Variants in KMT2D observed in about 807,000 individuals in gnomAD.
KMT2D encodes histone-lysine N-methyltransferase 2D.
KMT2D carries 55 observed loss-of-function variants against 512.7 expected under a neutral mutation model. That is an observed-to-expected ratio of 0.11 (90% confidence interval 0.09 to 0.13). The LOEUF (loss-of-function observed/expected upper bound fraction) is 0.13. KMT2D is among the 10% of genes least tolerant of loss of function. The probability of loss-of-function intolerance (pLI) is 1.00; values close to 1 mark genes in which losing one functional copy is unlikely to be tolerated. For synonymous variants in KMT2D, 2,995 were observed against 2,904.0 expected (o/e 1.03, Z -1.01); for missense variants, 6,061 against 7,127.9 (o/e 0.85, Z 5.39).
chr12:49,030,855 T>A lies in KMT2D; in HGVS notation c.13671+38A>T, dbSNP rs771042133. 11 of 1,613,086 alleles carry A rather than the reference T, an allele frequency of 6.8e-6. No homozygotes were observed. In the Admixed American group the frequency reaches 1.8e-4, roughly 27 times the overall value. ...CTGGGGGACAGGGTGCCCCCTATCC[T>A]GGGATGGGACCAGGGGGACTGTCTC... On this transcript the variant is annotated intron_variant, in intron 41 of 54. Transcript: ENST00000301067.
In KMT2D at chr12:49,039,178, C is replaced by T; in HGVS notation, c.8366+44G>A. 6.2e-7 allele frequency: 1 copy of T among 1,607,144 alleles called. No homozygotes were observed. Among genetic ancestry groups the T allele is most frequent in the Non-Finnish European group, 8.5e-7 (1 of 1,176,708 alleles). On this transcript the variant is annotated intron_variant, in intron 34 of 54. Coordinates refer to ENST00000301067, the MANE Select transcript of KMT2D (RefSeq NM_003482.4). The surrounding 1 kb of genome is among the most constrained non-coding windows in gnomAD (Gnocchi z 5.0). ...CAAGAGCTTCCAACAGTGATAAAAT[C>T]CATCCCCCTTGGTTTACCCCCAGGG...
chr12:49,033,995 G>T, intron 39 of KMT2D, 31 bp from the exon 40 acceptor site: 1 of 1,553,722 alleles, frequency 6.4e-7, no homozygotes. Flanking sequence ...AGGTCAGGCT[G>T]GGGCATGCTC....
Position 49,060,633 on chromosome 12 carries a change from C to A in KMT2D, c.-1058G>T, listed in dbSNP as rs894495668. Among the ~76,000 whole-genome samples the A allele has an allele frequency of 6.6e-6, 1 of 152,214 alleles. No homozygotes were observed. Among genetic ancestry groups the A allele is most frequent in the African/African-American group, 2.4e-5 (1 of 41,464 alleles). ...CTCCTGTTCGGCCGGTAGGGTGGTT[C>A]CTGCGAAGGGGCTATTTCCTGGCCC... On this transcript the variant is annotated 5_prime_UTR_variant, in exon 1 of 55. Transcript: ENST00000301067.
rs758525205 is a variant in KMT2D at position 49,027,152 on chromosome 12, G to A, written c.14814C>T (p.Thr4938=). 1.7e-5 allele frequency: 26 copies of A among 1,569,216 alleles called. No homozygotes were observed. The highest frequency in any genetic ancestry group is 2.4e-5 in the South Asian group (2 of 83,324). Residue 4938 remains threonine (T), a synonymous_variant, in exon 49 of 55, where the codon ACC becomes ACT. Coordinates refer to ENST00000301067, the MANE Select transcript of KMT2D (RefSeq NM_003482.4). ...PPTEPLVELP[T]EPLAEPPVPS... ...GGACGGGTGGCTCAGCCAAGGGTTC[G>A]GTGGGAAGTTCAACCAAGGGCTCAG... is the stretch of plus-strand genomic sequence containing the variant.
chr12:49,029,976 G>C (rs11168829), intron 43 of KMT2D, among the ~76,000 whole-genome samples: 1 of 152,160 alleles, frequency 6.6e-6, no homozygotes, highest in Non-Finnish European at 1.5e-5. Flanking sequence ...GCAGGAACCA[G>C]AATTCAAATC....
rs778228140 is a variant in KMT2D at position 49,053,364 on chromosome 12, ATTTCC to A, written c.840-48_840-44del. ...ACATTACAGTGTCCTCTCTGCCCTC[ATTTCC>A]TTTCTTTTTTGTTGTTTTCATGTTA... is the stretch of plus-strand genomic sequence containing the variant. On this transcript the variant is annotated intron_variant, in intron 7 of 54. Coordinates refer to ENST00000301067, the MANE Select transcript of KMT2D (RefSeq NM_003482.4). The A allele has an allele frequency of 4.4e-6, 7 of 1,602,572 alleles. No individual in the cohort carries two copies. The African/African-American group carries it at 5.4e-5, about 12-fold the overall frequency.
At chr12:49,048,138 T>C (rs941546239) in intron 14 of KMT2D, 69 bp from the exon 15 acceptor site, 3 of 1,069,874 alleles carry the variant, frequency 2.8e-6, no homozygotes, top group South Asian at 1.4e-5. Flanking sequence ...CAGTCTACTA[T>C]GACGCTACAA....
intron 13 of KMT2D, 64 bp downstream of exon 13, chr12:49,049,041 G>T: frequency 1.9e-6 from 2 of 1,027,244 alleles, no homozygotes; most frequent in Non-Finnish European, 3.0e-6. Flanking sequence ...GCAAGGGACT[G>T]GCAGGACTCA....
At chr12:49,023,470 A>G (rs1942426910) in intron 51 of KMT2D, among the ~76,000 whole-genome samples, 1 of 152,208 alleles carries the variant, frequency 6.6e-6, no homozygotes. Flanking sequence ...AGTGCAGGGG[A>G]ATGACGGCTG....
chr12:49,032,483 T>C lies in KMT2D; in HGVS notation c.12222A>G (p.Gln4074=), dbSNP rs1399724884. 2.6e-6 allele frequency: 4 copies of C among 1,567,732 alleles called. No homozygotes were observed. Among genetic ancestry groups the C allele is most frequent in the African/African-American group, 2.7e-5 (2 of 73,432 alleles). ...GGGGCTGGGGTTGGACAAGCAGGAG[T>C]TGTGAGTCCCCAGAGAGTGAGGGCT... ...EVKPSLSGDS[Q]LLLVQPQPQP... Residue 4074 remains glutamine, a synonymous_variant, in exon 40 of 55, where the codon CAA becomes CAG. Coordinates refer to ENST00000301067, the MANE Select transcript of KMT2D (RefSeq NM_003482.4).
rs768720431 is a variant in KMT2D at position 49,024,536 on chromosome 12, C to T, written c.16052+42G>A. ...AATGGGACCAGAGGATCCCTGTCAA[C>T]ACCCACACCCACATCCCTTGGCTCC... On this transcript the variant is annotated intron_variant, in intron 51 of 54. Coordinates refer to ENST00000301067, the MANE Select transcript of KMT2D (RefSeq NM_003482.4). The surrounding 1 kb of genome is among the most constrained non-coding windows in gnomAD (Gnocchi z 4.5). 6 of 1,563,176 alleles carry T rather than the reference C, an allele frequency of 3.8e-6. No individual in the cohort carries two copies. The highest frequency in any genetic ancestry group is 5.2e-6 in the Non-Finnish European group (6 of 1,153,536).
In KMT2D at chr12:49,026,046, C is replaced by T. The variant is rs1009882183; in HGVS notation, c.15784+136G>A. The T allele has an allele frequency of 7.8e-5, 62 of 794,014 alleles. No homozygotes were observed. The highest frequency in any genetic ancestry group is 1.1e-4 in the Non-Finnish European group (59 of 517,190). 49.2% of individuals were successfully genotyped at this position (794,014 alleles called of 1,614,324 possible). On this transcript the variant is annotated intron_variant, in intron 49 of 54. Transcript: ENST00000301067. The surrounding 1 kb of genome is among the most constrained non-coding windows in gnomAD (Gnocchi z 9.6). ...ACTTTCACTGGGAGTTTTCAAGAGACCCCCTGCCTGCCTGAGGTGGGGGAA... is the reference window on the plus strand; with the variant it reads ...ACTTTCACTGGGAGTTTTCAAGAGATCCCCTGCCTGCCTGAGGTGGGGGAA...
Position 49,050,626 on chromosome 12 carries a change from C to G in KMT2D, c.2962G>C (p.Ala988Pro), listed in dbSNP as rs2120654180. ...ACAGGCTCAGGGTCAGTGCAGTTAG[C>G]TTCTGGTGGAGGGCTGATGGGTGTC... ...LETPISPPPE[A>P]NCTDPEPVPP... Residue 988 changes from alanine to proline, a missense_variant, in exon 12 of 55, where the codon GCT becomes CCT. Ala to Pro is a conservative substitution (Grantham distance 27). Transcript: ENST00000301067. 6.2e-7 allele frequency: 1 copy of G among 1,612,246 alleles called. No individual in the cohort carries two copies.
Position 49,019,333 on chromosome 12 carries a change from G to C in KMT2D, c.*2447C>G. ...GGAAAACTGAAAACTGAGTATGTGC[G>C]AGTGTAAACCAACCCAAAATACAAA... On this transcript the variant is annotated 3_prime_UTR_variant, in exon 55 of 55. Transcript: ENST00000301067. 1 of 135,934 alleles carries C rather than the reference G, an allele frequency of 7.4e-6. No homozygotes were observed. Among genetic ancestry groups the C allele is most frequent in the East Asian group, 2.6e-4 (1 of 3,872 alleles). The allele number at this position is 135,934 out of a possible 1,614,324, so 8.4% of individuals were successfully genotyped here. A position where few individuals can be genotyped will look rare whatever the true frequency, so the allele number is the denominator to read the frequency against.
chr12:49,024,774 C>T lies in KMT2D; in HGVS notation c.15921+36G>A, dbSNP rs1480278011. ...TGGGGTTAGGCCAAAGTTCTCAGTG[C>T]CCGCCAAGCCCCCCAGCTCCCAGCC... On this transcript the variant is annotated intron_variant, in intron 50 of 54. Transcript: ENST00000301067. The surrounding 1 kb of genome is among the most constrained non-coding windows in gnomAD (Gnocchi z 4.5). 3 of 1,608,136 alleles carry T rather than the reference C, an allele frequency of 1.9e-6. No individual in the cohort carries two copies. Among genetic ancestry groups the T allele is most frequent in the Non-Finnish European group, 2.6e-6 (3 of 1,175,754 alleles).
At position 49,046,626 on chromosome 12, in the gene KMT2D, G is replaced by A. The variant is rs192659833; in HGVS notation, c.4401C>T (p.Gly1467=). The A allele has an allele frequency of 1.2e-3, 1,937 of 1,612,008 alleles. 11 individuals are homozygous for A. In the East Asian group the frequency reaches 0.017, roughly 14 times the overall value. Residue 1467 remains glycine (G), a synonymous_variant, in exon 16 of 55, where the codon GGC becomes GGT. Transcript: ENST00000301067. The surrounding 1 kb of genome is among the most constrained non-coding windows in gnomAD (Gnocchi z 4.2). ...CTCCTTACCACTTGCACTTCCAGCC[G>A]CCCTTGGGGACGGTGAGCAGTGGGG... ...LDPPLLTVPK[G]GWKCKWCVSC...
In KMT2D at chr12:49,044,735, C is replaced by A. The variant is rs1943705422; in HGVS notation, c.4963+9G>T. ...TACTCTGCCGCTCCCTAAGATTCCC[C>A]AAGCTAACCTTCACCCTTGAGCAGC... is the stretch of plus-strand genomic sequence containing the variant. On this transcript the variant is annotated intron_variant, in intron 20 of 54. Coordinates refer to ENST00000301067, the MANE Select transcript of KMT2D (RefSeq NM_003482.4). This position sits in a 1 kb window ranked among gnomAD's most constrained non-coding sequence, Gnocchi z 6.4. 1.2e-6 allele frequency: 2 copies of A among 1,608,966 alleles called. No homozygotes were observed. Among genetic ancestry groups the A allele is most frequent in the Non-Finnish European group, 1.7e-6 (2 of 1,175,734 alleles).
rs1943369178 is a variant in KMT2D, at chr12:49,039,236, C to A, written c.8352G>T (p.Met2784Ile). 1 of 1,613,682 alleles carries A rather than the reference C, an allele frequency of 6.2e-7. No homozygotes were observed. Among genetic ancestry groups the A allele is most frequent in the African/African-American group, 1.3e-5 (1 of 74,926 alleles). ...TGGAGCCTCACCGGCTGTTCACATCCATAGAGGAAGGCGTGGCTGGTGGAG... is the reference window on the plus strand; with the variant it reads ...TGGAGCCTCACCGGCTGTTCACATCAATAGAGGAAGGCGTGGCTGGTGGAG... ...RPPPPATPSS[M>I]DVNSRQLVGG... The change falls in exon 34 of 55, where the codon ATG becomes ATT. Residue 2784 changes from methionine to isoleucine, a missense_variant. By Grantham distance (10) the Met-to-Ile change is conservative. Transcript: ENST00000301067. The surrounding 1 kb of genome is among the most constrained non-coding windows in gnomAD (Gnocchi z 5.0).
In KMT2D at chr12:49,035,034, G is replaced by C. The variant is rs757113522; in HGVS notation, c.10232-99C>G. On this transcript the variant is annotated intron_variant, in intron 35 of 54. Coordinates refer to ENST00000301067, the MANE Select transcript of KMT2D (RefSeq NM_003482.4). ...ATCCTGACTTCAACCACGCCAGGCA[G>C]AACAATGGCACGGCAAGGCAGAAAG... is the stretch of plus-strand genomic sequence containing the variant. 4 of 1,450,114 alleles carry C rather than the reference G, an allele frequency of 2.8e-6. No homozygotes were observed. In the Admixed American group the frequency reaches 5.8e-5, roughly 21 times the overall value. The allele number at this position is 1,450,114 out of a possible 1,614,324, so 89.8% of individuals were successfully genotyped here.
Sources: gnomAD v4.1 joint callset for allele counts (sites outside exome capture counted in the v4.1 genomes callset) on GRCh38, gnomAD v4.1.1 for gene constraint, Gnocchi (gnomAD v3.1) non-coding constraint, MANE v1.5 for transcripts, NCBI Gene and HGNC (gene_info 2026-07-23, HGNC 2026-07-21) for gene names.